Variants in FOXL2NB observed in about 807,000 individuals in gnomAD.
FOXL2NB encodes FOXL2 neighbor protein.
A neutral mutation model predicts 7.4 loss-of-function variants in FOXL2NB; 10 were observed. The ratio of observed to expected loss-of-function variants is 1.34; its 90% CI spans 0.83 to 2.28. The LOEUF is 2.28. FOXL2NB is among the 30% of genes most tolerant of loss of function. The pLI is 0.00. For missense variants in FOXL2NB, 228 were observed against 233.9 expected (o/e 0.97, Z 0.17); for synonymous variants, 104 against 105.3 (o/e 0.99, Z 0.08).
chr3:138,950,688 G>C lies in FOXL2NB; in HGVS notation c.*116G>C, dbSNP rs894806733. The C allele has an allele frequency of 2.8e-6, 3 of 1,078,684 alleles. No homozygotes were observed. Among genetic ancestry groups the C allele is most frequent in the Non-Finnish European group, 4.1e-6 (3 of 728,328 alleles). The allele number at this position is 1,078,684 out of a possible 1,614,324, so 66.8% of individuals were successfully genotyped here. On this transcript the variant is annotated 3_prime_UTR_variant, in exon 3 of 3. Coordinates refer to ENST00000383165, the MANE Select transcript of FOXL2NB (RefSeq NM_001040061.3). Reference sequence around the variant, plus strand: ...CTCGGTGTCCCTCCACTCAGGTCACGTTACTCCATCCACTTCTCTCTCCTT... The same window carrying C: ...CTCGGTGTCCCTCCACTCAGGTCACCTTACTCCATCCACTTCTCTCTCCTT...
Position 138,950,648 on chromosome 3 carries a change from C to T in FOXL2NB, c.*76C>T. The T allele has an allele frequency of 6.6e-7, 1 of 1,508,986 alleles. No homozygotes were observed. Among genetic ancestry groups the T allele is most frequent in the South Asian group, 1.2e-5 (1 of 85,446 alleles). The allele number at this position is 1,508,986 out of a possible 1,614,324, so 93.5% of individuals were successfully genotyped here. On this transcript the variant is annotated 3_prime_UTR_variant, in exon 3 of 3. Coordinates refer to ENST00000383165, the MANE Select transcript of FOXL2NB (RefSeq NM_001040061.3). The stretch of plus-strand genomic sequence containing the variant: ...CCGGCCCCTCACAGGGCCCTTTGCA[C>T]CCACACCTCAGGGACTCGGTGTCCC...
Position 138,949,444 on chromosome 3 carries a change from C to T in FOXL2NB, c.101-76C>T. 1 of 1,536,260 alleles carries T rather than the reference C, an allele frequency of 6.5e-7. No homozygotes were observed. The highest frequency in any genetic ancestry group is 8.9e-7 in the Non-Finnish European group (1 of 1,125,748). ...GGGGTTGGGGGCAAATGAAGGAGTTCCTCTGAAGGATTTTCAGAATAGAAA... is the reference window on the plus strand; with the variant it reads ...GGGGTTGGGGGCAAATGAAGGAGTTTCTCTGAAGGATTTTCAGAATAGAAA... On this transcript the variant is annotated intron_variant, in intron 1 of 2. Coordinates refer to ENST00000383165, the MANE Select transcript of FOXL2NB (RefSeq NM_001040061.3). This position sits in a 1 kb window ranked among gnomAD's most constrained non-coding sequence, Gnocchi z 4.5.
chr3:138,949,391 CGTGTGTGT>C lies in FOXL2NB; in HGVS notation c.101-110_101-103del, dbSNP rs5852928. The C allele has an allele frequency of 7.2e-5, 59 of 818,082 alleles. No homozygotes were observed. The highest frequency in any genetic ancestry group is 4.8e-4 in the African/African-American group (26 of 54,546). The allele number at this position is 818,082 out of a possible 1,614,324, so 50.7% of individuals were successfully genotyped here. A position where few individuals can be genotyped will look rare whatever the true frequency, so the allele number is the denominator to read the frequency against. ...AAGAGCCTGTGTGTGTATGCATGTG[CGTGTGTGT>C]GTGTGTGTGTGTGTGTGTAGGGGTT... On this transcript the variant is annotated intron_variant, in intron 1 of 2. Coordinates refer to ENST00000383165, the MANE Select transcript of FOXL2NB (RefSeq NM_001040061.3). This position sits in a 1 kb window ranked among gnomAD's most constrained non-coding sequence, Gnocchi z 4.5.
chr3:138,950,604 T>TG lies in FOXL2NB; in HGVS notation c.*33dup. The TG allele has an allele frequency of 2.5e-6, 4 of 1,608,068 alleles. No homozygotes were observed. Among genetic ancestry groups the TG allele is most frequent in the Non-Finnish European group, 3.4e-6 (4 of 1,178,166 alleles). ...CCCATACACTCCACGCCTCAACAAC[T>TG]GTCAGCACTCACTCCCTCCCGGCCC... On this transcript the variant is annotated 3_prime_UTR_variant, in exon 3 of 3. Transcript: ENST00000383165.
chr3:138,953,095 C>T lies in FOXL2NB; in HGVS notation c.*2523C>T, dbSNP rs2107750576. The T allele has an allele frequency of 6.6e-6, 1 of 151,726 alleles. No homozygotes were observed. The highest frequency in any genetic ancestry group is 1.5e-5 in the Non-Finnish European group (1 of 68,000). The allele number at this position is 151,726 out of a possible 1,614,324, so 9.4% of individuals were successfully genotyped here. A position where few individuals can be genotyped will look rare whatever the true frequency, so the allele number is the denominator to read the frequency against. ...AGTGCAGTGGCATGAACTTGGCTTA[C>T]TGCAGCCTCCTGAGTTCAAGTGATT... On this transcript the variant is annotated 3_prime_UTR_variant, in exon 3 of 3. Coordinates refer to ENST00000383165, the MANE Select transcript of FOXL2NB (RefSeq NM_001040061.3).
rs1420324281 is a variant in FOXL2NB, at chr3:138,949,029, T to A, written c.101-491T>A. On this transcript the variant is annotated intron_variant, in intron 1 of 2. Coordinates refer to ENST00000383165, the MANE Select transcript of FOXL2NB (RefSeq NM_001040061.3). The surrounding 1 kb of genome is among the most constrained non-coding windows in gnomAD (Gnocchi z 4.5). ...GCAGGAGTGCAGATGTTTTTCTTCT[T>A]CCTTACCCCCATCCTTGCCCAAGCT... is the stretch of plus-strand genomic sequence containing the variant. Among the ~76,000 whole-genome samples the A allele has an allele frequency of 6.6e-6, 1 of 152,128 alleles. No individual in the cohort carries two copies. The highest frequency in any genetic ancestry group is 1.5e-5 in the Non-Finnish European group (1 of 68,014).
rs1229320480 is a variant in FOXL2NB at position 138,949,301 on chromosome 3, A to G, written c.101-219A>G. ...GCTCAGCCCTGCAGCAGCCAGGTGT[A>G]ACAGCATTGTTGTGTGTGTCATCAC... On this transcript the variant is annotated intron_variant, in intron 1 of 2. Coordinates refer to ENST00000383165, the MANE Select transcript of FOXL2NB (RefSeq NM_001040061.3). The surrounding 1 kb of genome is among the most constrained non-coding windows in gnomAD (Gnocchi z 4.5). Among the ~76,000 whole-genome samples, 1 of 151,574 alleles carries G rather than the reference A, an allele frequency of 6.6e-6. No homozygotes were observed. Among genetic ancestry groups the G allele is most frequent in the Non-Finnish European group, 1.5e-5 (1 of 67,972 alleles).
chr3:138,947,662 G>C lies in FOXL2NB; in HGVS notation c.100+198G>C. On this transcript the variant is annotated intron_variant, in intron 1 of 2. Coordinates refer to ENST00000383165, the MANE Select transcript of FOXL2NB (RefSeq NM_001040061.3). This position sits in a 1 kb window ranked among gnomAD's most constrained non-coding sequence, Gnocchi z 5.2. ...AGCCTCGGCCTGGCCTGTCCCTCGC[G>C]CTCTCAGAGTGACTGGGCTGGAATG... The C allele has an allele frequency of 7.4e-7, 1 of 1,350,312 alleles. No homozygotes were observed. The highest frequency in any genetic ancestry group is 9.5e-7 in the Non-Finnish European group (1 of 1,055,334). The allele number at this position is 1,350,312 out of a possible 1,614,324, so 83.6% of individuals were successfully genotyped here.
intron 2 of FOXL2NB, 112 bp from the exon 3 acceptor site, chr3:138,950,153 G>C: frequency 1.7e-6 from 2 of 1,161,338 alleles, no homozygotes; most frequent in East Asian, 5.0e-5. Context: ...ACCGCCGATT[G>C]AGCGCAGTCT....
Position 138,949,883 on chromosome 3 carries a change from T to C in FOXL2NB, c.220+244T>C, listed in dbSNP as rs1576472350. The C allele has an allele frequency of 4.3e-6, 3 of 698,266 alleles. No homozygotes were observed. The East Asian group carries it at 8.3e-5, about 19-fold the overall frequency. 43.3% of individuals were successfully genotyped at this position (698,266 alleles called of 1,614,324 possible). A position where few individuals can be genotyped will look rare whatever the true frequency, so the allele number is the denominator to read the frequency against. On this transcript the variant is annotated intron_variant, in intron 2 of 2. Transcript: ENST00000383165. This position sits in a 1 kb window ranked among gnomAD's most constrained non-coding sequence, Gnocchi z 4.5. ...TTGCTGGCGAGGTCGGGATCCTCTC[T>C]GAACAGGGCATACTGTGCCTAGGTT...
At position 138,947,900 on chromosome 3, in the gene FOXL2NB, C is replaced by A. The variant is rs1576471165; in HGVS notation, c.100+436C>A. The A allele has an allele frequency of 1.0e-6, 1 of 997,092 alleles. No homozygotes were observed. The highest frequency in any genetic ancestry group is 1.2e-6 in the Non-Finnish European group (1 of 837,810). The allele number at this position is 997,092 out of a possible 1,614,324, so 61.8% of individuals were successfully genotyped here. A position where few individuals can be genotyped will look rare whatever the true frequency, so the allele number is the denominator to read the frequency against. On this transcript the variant is annotated intron_variant, in intron 1 of 2. Transcript: ENST00000383165. This position sits in a 1 kb window ranked among gnomAD's most constrained non-coding sequence, Gnocchi z 5.2. ...GGCGGGGCTGTTGCCCGGGACTTTG[C>A]GGGACTGTGTATGTGTGTGCACAGG...
chr3:138,948,182 A>G (rs1403905021), intron 1 of FOXL2NB, among the ~76,000 whole-genome samples: 1 of 151,560 alleles, frequency 6.6e-6, no homozygotes, highest in Admixed American at 6.6e-5. Flanking sequence ...TTCTTTCACA[A>G]TTCTTCGATG....
At position 138,949,508 on chromosome 3, in the gene FOXL2NB, G is replaced by A. The variant is rs913572780; in HGVS notation, c.101-12G>A. ...GAAAATACTGATTTCTGACTGTCCC[G>A]TAGAGGAACAGAATCCCCAGCCCTG... is the stretch of plus-strand genomic sequence containing the variant. On this transcript the variant is annotated splice_polypyrimidine_tract_variant and intron_variant, in intron 1 of 2. Transcript: ENST00000383165. The surrounding 1 kb of genome is among the most constrained non-coding windows in gnomAD (Gnocchi z 4.5). 4 of 1,613,820 alleles carry A rather than the reference G, an allele frequency of 2.5e-6. No homozygotes were observed. The highest frequency in any genetic ancestry group is 1.7e-5 in the Admixed American group (1 of 59,968).
Position 138,950,166 on chromosome 3 carries a change from G to C in FOXL2NB, c.221-99G>C, listed in dbSNP as rs1404222688. 5 of 1,309,382 alleles carry C rather than the reference G, an allele frequency of 3.8e-6. No individual in the cohort carries two copies. The East Asian group carries it at 1.2e-4, about 31-fold the overall frequency. The allele number at this position is 1,309,382 out of a possible 1,614,324, so 81.1% of individuals were successfully genotyped here. ...GAACCGCCGATTGAGCGCAGTCTCA[G>C]CTCCCGCGCCTCCTCGCAGCCTGGC... is the stretch of plus-strand genomic sequence containing the variant. On this transcript the variant is annotated intron_variant, in intron 2 of 2. Coordinates refer to ENST00000383165, the MANE Select transcript of FOXL2NB (RefSeq NM_001040061.3).
At chr3:138,950,210 C>T (rs1479358100) in intron 2 of FOXL2NB, 55 bp from the exon 3 acceptor site, 2 of 1,571,944 alleles carry the variant, frequency 1.3e-6, no homozygotes, top group Middle Eastern at 1.7e-4. Context: ...TCGGAGGTCC[C>T]GACAGCCGGC....
rs1301272230 is a variant in FOXL2NB at position 138,949,878 on chromosome 3, C to G, written c.220+239C>G. 2.9e-6 allele frequency: 2 copies of G among 701,268 alleles called. No individual in the cohort carries two copies. Among genetic ancestry groups the G allele is most frequent in the East Asian group, 5.5e-5 (2 of 36,220 alleles). The allele number at this position is 701,268 out of a possible 1,614,324, so 43.4% of individuals were successfully genotyped here. A position where few individuals can be genotyped will look rare whatever the true frequency, so the allele number is the denominator to read the frequency against. ...GCTGGTTGCTGGCGAGGTCGGGATCCTCTCTGAACAGGGCATACTGTGCCT... is the reference window on the plus strand; with the variant it reads ...GCTGGTTGCTGGCGAGGTCGGGATCGTCTCTGAACAGGGCATACTGTGCCT... On this transcript the variant is annotated intron_variant, in intron 2 of 2. Coordinates refer to ENST00000383165, the MANE Select transcript of FOXL2NB (RefSeq NM_001040061.3). This position sits in a 1 kb window ranked among gnomAD's most constrained non-coding sequence, Gnocchi z 4.5.
chr3:138,953,756 C>G lies in FOXL2NB; in HGVS notation c.*3184C>G, dbSNP rs1936178295. Among the ~76,000 whole-genome samples, 1 of 152,192 alleles carries G rather than the reference C, an allele frequency of 6.6e-6. No individual in the cohort carries two copies. The highest frequency in any genetic ancestry group is 1.5e-5 in the Non-Finnish European group (1 of 68,038). On this transcript the variant is annotated 3_prime_UTR_variant, in exon 3 of 3. Transcript: ENST00000383165. Reference sequence around the variant, plus strand: ...TTTGGATTTCTATCACCATAAATAACCTTTGCCTGCCTTGAGCCTCGTATA... The same window carrying G: ...TTTGGATTTCTATCACCATAAATAAGCTTTGCCTGCCTTGAGCCTCGTATA...
chr3:138,948,814 T>A (rs1936049741), intron 1 of FOXL2NB, among the ~76,000 whole-genome samples: 1 of 152,148 alleles, frequency 6.6e-6, no homozygotes, highest in Admixed American at 6.5e-5. Flanking sequence ...GTGGTAGGGC[T>A]CTTTGGAATT....
Position 138,949,982 on chromosome 3 carries a change from T to C in FOXL2NB, c.221-283T>C. 1.4e-6 allele frequency: 1 copy of C among 697,494 alleles called. No homozygotes were observed. Among genetic ancestry groups the C allele is most frequent in the South Asian group, 1.5e-5 (1 of 66,740 alleles). 43.2% of individuals were successfully genotyped at this position (697,494 alleles called of 1,614,324 possible). ...CGCAGGGCCCCCGGCTTAGTGACCT[T>C]GGGGCGGCGCTCACCTCCAAAGGCC... On this transcript the variant is annotated intron_variant, in intron 2 of 2. Coordinates refer to ENST00000383165, the MANE Select transcript of FOXL2NB (RefSeq NM_001040061.3). This position sits in a 1 kb window ranked among gnomAD's most constrained non-coding sequence, Gnocchi z 4.5.
Sources: gnomAD v4.1 joint callset for allele counts (sites outside exome capture counted in the v4.1 genomes callset) on GRCh38, gnomAD v4.1.1 for gene constraint, Gnocchi (gnomAD v3.1) non-coding constraint, MANE v1.5 for transcripts, NCBI Gene and HGNC (gene_info 2026-07-23, HGNC 2026-07-21) for gene names.